The following PRKCB variants were observed in gnomAD, a reference collection of about 807,000 sequenced individuals.
PRKCB encodes the protein protein kinase C beta.
Under a neutral mutation model 81.5 loss-of-function variants are expected in PRKCB, and 13 were observed. The observed-to-expected ratio is 0.16, with a 90% CI of 0.10 to 0.25. PRKCB has a LOEUF of 0.25. Ranked by LOEUF, PRKCB falls within the 10% of genes least tolerant of loss-of-function variation. PRKCB has a pLI of 1.00. For synonymous variants in PRKCB, 335 were observed against 321.4 expected (o/e 1.04, Z -0.45); for missense variants, 509 against 875.7 (o/e 0.58, Z 5.29).
chr16:23,945,191 G>T (rs1964188193), intron 2 of PRKCB, among the ~76,000 whole-genome samples: 1 of 152,140 alleles, frequency 6.6e-6, no homozygotes, highest in Admixed American at 6.5e-5. Context: ...GACACCACAG[G>T]GGCACCCTGA....
At chr16:23,963,579 G>A (rs1002091473) in intron 2 of PRKCB, 3 of 152,156 alleles carry the variant, frequency 2.0e-5, no homozygotes, top group African/African-American at 7.2e-5. Context: ...GGTGGAGTGG[G>A]CAGTTTCCAC....
chr16:24,089,828 C>T (rs1966355702), intron 5 of PRKCB, among the ~76,000 whole-genome samples: 1 of 151,920 alleles, frequency 6.6e-6, no homozygotes, highest in Admixed American at 6.6e-5. Context: ...TGAAAGAGGG[C>T]ATTGCATATG....
chr16:24,015,710 T>C (rs1445981841), intron 3 of PRKCB, among the ~76,000 whole-genome samples: 2 of 152,280 alleles, frequency 1.3e-5, no homozygotes, highest in Admixed American at 1.3e-4. Flanking sequence ...CTCTAAGCAC[T>C]GAGTGTCTCC....
At chr16:24,158,569 T>A (rs902618989) in intron 10 of PRKCB, among the ~76,000 whole-genome samples, 2 of 151,902 alleles carry the variant, frequency 1.3e-5, no homozygotes, top group African/African-American at 4.8e-5. Flanking sequence ...TGTATATGTA[T>A]ATGTATATGT....
At chr16:24,147,073 C>G (rs1318051546) in intron 9 of PRKCB, among the ~76,000 whole-genome samples, 1 of 152,074 alleles carries the variant, frequency 6.6e-6, no homozygotes, top group African/African-American at 2.4e-5. Flanking sequence ...CTTTGGGAGG[C>G]TGAGGCGGGC....
chr16:23,987,803 A>G (rs141585445), intron 2 of PRKCB, among the ~76,000 whole-genome samples: 3,017 of 152,346 alleles, frequency 0.02, 54 homozygotes, highest in Non-Finnish European at 0.031. Flanking sequence ...TTGAACAACA[A>G]CAACAACAAC....
intron 8 of PRKCB, among the ~76,000 whole-genome samples, chr16:24,120,526 C>G (rs1433553090): frequency 6.6e-6 from 1 of 152,090 alleles, no homozygotes; most frequent in African/African-American, 2.4e-5. Flanking sequence ...CACCCTCTTC[C>G]CCACACTTCC....
chr16:24,205,145 C>CT (rs71154289), intron 16 of PRKCB, among the ~76,000 whole-genome samples: 4,921 of 115,654 alleles, frequency 0.043, 147 homozygotes, highest in South Asian at 0.074. Flanking sequence ...ATTATAATTC[C>CT]TTTTTTTTTT....
In PRKCB at chr16:24,061,912, A is replaced by AAT. The variant is rs1377445930; in HGVS notation, c.529+26366_529+26367insTA. Among the ~76,000 whole-genome samples the AAT allele has an allele frequency of 3.4e-3, 437 of 130,160 alleles. 2 individuals are homozygous for AAT. Among genetic ancestry groups the AAT allele is most frequent in the Admixed American group, 0.013 (176 of 13,856 alleles). The allele number at this position is 130,160 out of a possible 152,430, so 85.4% of individuals were successfully genotyped here. On this transcript the variant is annotated intron_variant, in intron 5 of 16. Transcript: ENST00000643927. ...ACTCCCCCTGCACCTTAAATAAATAAAAAAAAAAAAAAAAAAAAAAACTTG... is the reference window on the plus strand; with the variant it reads ...ACTCCCCCTGCACCTTAAATAAATAAATAAAAAAAAAAAAAAAAAAAAACTTG...
rs1007907610 is a variant in PRKCB at position 23,900,425 on chromosome 16, T to C, written c.205+63019T>C. 2.0e-5 allele frequency among the ~76,000 whole-genome samples: 3 copies of C among 152,216 alleles called. No homozygotes were observed. In the East Asian group the frequency reaches 5.8e-4, roughly 29 times the overall value. ...TCAATTGAAATAATTTGTTTTTGAA[T>C]ATACAATGCAAAGTTTGAAATCCTA... On this transcript the variant is annotated intron_variant, in intron 2 of 16. Transcript: ENST00000643927.
At chr16:24,202,042 AAAAAAAAAG>A (rs1420812819) in intron 16 of PRKCB, among the ~76,000 whole-genome samples, 1 of 152,030 alleles carries the variant, frequency 6.6e-6, no homozygotes, top group Non-Finnish European at 1.5e-5. Context: ...TCTCAAAAAA[AAAAAAAAAG>A]AAAAAAAGAA....
At chr16:24,186,317 C>CT (rs1303459027) in intron 15 of PRKCB, among the ~76,000 whole-genome samples, 1 of 152,206 alleles carries the variant, frequency 6.6e-6, no homozygotes, top group Non-Finnish European at 1.5e-5. Flanking sequence ...GCACATGCTT[C>CT]TGCCTTACCC....
In PRKCB at chr16:24,071,973, C is replaced by G. The variant is rs533274354; in HGVS notation, c.530-20818C>G. Among the ~76,000 whole-genome samples the G allele has an allele frequency of 7.2e-4, 110 of 152,154 alleles. 1 individual carries two copies. Among genetic ancestry groups the G allele is most frequent in the African/African-American group, 2.0e-3 (81 of 41,496 alleles). On this transcript the variant is annotated intron_variant, in intron 5 of 16. Transcript: ENST00000643927. Reference sequence around the variant, plus strand: ...GATGTTATTATTATCATGAGGGTGCCCAATTCAGTTTGCTACTTGTTTATG... The same window carrying G: ...GATGTTATTATTATCATGAGGGTGCGCAATTCAGTTTGCTACTTGTTTATG...
intron 3 of PRKCB, among the ~76,000 whole-genome samples, chr16:24,011,956 C>T (rs1965208321): frequency 6.6e-6 from 1 of 152,194 alleles, no homozygotes; most frequent in African/African-American, 2.4e-5. Flanking sequence ...GACCCAGAGG[C>T]CTGAACCTGC....
chr16:24,108,980 GA>G lies in PRKCB; in HGVS notation c.822-3992del, dbSNP rs1426695295. Among the ~76,000 whole-genome samples the G allele has an allele frequency of 6.9e-5, 10 of 144,084 alleles. No homozygotes were observed. In the East Asian group the frequency reaches 1.7e-3, roughly 24 times the overall value. 94.5% of individuals were successfully genotyped at this position (144,084 alleles called of 152,430 possible). A position where few individuals can be genotyped will look rare whatever the true frequency, so the allele number is the denominator to read the frequency against. On this transcript the variant is annotated intron_variant, in intron 7 of 16. Transcript: ENST00000643927. The stretch of plus-strand genomic sequence containing the variant: ...GGATGGGGGGGCTGGCCGGGCGGGG[GA>G]CTGACCCCCCCACCTCCCTCCCGGA...
At chr16:23,880,275 C>A (rs925196772) in intron 2 of PRKCB, among the ~76,000 whole-genome samples, 1 of 152,114 alleles carries the variant, frequency 6.6e-6, no homozygotes, top group Admixed American at 6.5e-5. Flanking sequence ...ATTATAGGGG[C>A]TCCCTAGAAC....
intron 8 of PRKCB, among the ~76,000 whole-genome samples, chr16:24,122,971 T>A (rs184937405): frequency 2.6e-5 from 4 of 152,324 alleles, no homozygotes; most frequent in Admixed American, 2.6e-4. Flanking sequence ...CATCCATTTA[T>A]GCAACAAATA....
At chr16:24,207,830 A>G (rs905804136) in intron 16 of PRKCB, among the ~76,000 whole-genome samples, 1 of 152,212 alleles carries the variant, frequency 6.6e-6, no homozygotes, top group African/African-American at 2.4e-5. Flanking sequence ...TGAGTGGAGA[A>G]GGAGTGGAAG....
intron 1 of PRKCB, among the ~76,000 whole-genome samples, chr16:23,837,067 G>A (rs897925387): frequency 1.3e-5 from 2 of 152,080 alleles, no homozygotes; most frequent in African/African-American, 4.8e-5. Context: ...TTTCCCGAGG[G>A]TGCTCGGGGC....
Sources: gnomAD v4.1 joint callset for allele counts (sites outside exome capture counted in the v4.1 genomes callset) on GRCh38, gnomAD v4.1.1 for gene constraint, MANE v1.5 for transcripts, NCBI Gene and HGNC (gene_info 2026-07-23, HGNC 2026-07-21) for gene names.